The following DST variants were observed in gnomAD, a reference collection of about 807,000 sequenced individuals.
DST encodes the protein dystonin, also known as bullous pemphigoid antigen.
DST carries 253 observed loss-of-function variants against 875.2 expected under a neutral mutation model. That is an observed-to-expected ratio of 0.29 (90% CI 0.26 to 0.32). The LOEUF is 0.32. DST is among the 10% of genes least tolerant of loss of function. The probability of loss-of-function intolerance (pLI) is 1.00; values close to 1 mark genes in which losing one functional copy is unlikely to be tolerated. For synonymous variants in DST, 3,124 were observed against 3,197.1 expected, an observed-to-expected ratio of 0.98 and a Z score of 0.77; for missense variants, 8,287 against 9,111.6, an observed-to-expected ratio of 0.91 and a Z score of 3.68.
At position 56,521,954 on chromosome 6, in the gene DST, G is replaced by A. The variant is rs540935843; in HGVS notation, c.18130-4334C>T. Among the ~76,000 whole-genome samples, 187 of 152,146 alleles carry A rather than the reference G, an allele frequency of 1.2e-3. 1 individual carries two copies. Among genetic ancestry groups the A allele is most frequent in the African/African-American group, 4.2e-3 (176 of 41,532 alleles). ...AAAATTTGACTTAACATAAAATGTT[G>A]ATAATCTTGGCATCCATAATTGTAT... is the stretch of plus-strand genomic sequence containing the variant. On this transcript the variant is annotated intron_variant, in intron 69 of 103. Transcript: ENST00000680361.
intron 4 of DST, among the ~76,000 whole-genome samples, chr6:56,814,720 T>C (rs1298575488): frequency 5.9e-5 from 9 of 152,194 alleles, no homozygotes; most frequent in Non-Finnish European, 1.2e-4. Context: ...CTTAAGATGT[T>C]TGGCAGAAGA....
At chr6:56,817,421 G>C (rs1316005687) in intron 4 of DST, among the ~76,000 whole-genome samples, 1 of 152,176 alleles carries the variant, frequency 6.6e-6, no homozygotes, top group African/African-American at 2.4e-5. Context: ...TAGATATGCA[G>C]GTTGGATGTT....
At chr6:56,490,024 C>T (rs927606928) in intron 85 of DST, among the ~76,000 whole-genome samples, 2 of 151,898 alleles carry the variant, frequency 1.3e-5, no homozygotes, top group African/African-American at 2.4e-5. Context: ...GAATTTAATC[C>T]CTATGTTAAG....
chr6:56,469,723 A>T (rs1335707465), intron 97 of DST, 160 bp downstream of exon 97: 1 of 643,554 alleles, frequency 1.6e-6, no homozygotes, highest in Non-Finnish European at 2.7e-6. Context: ...CCGTTATACA[A>T]ATTAAAATGT....
In DST at chr6:56,722,022, T is replaced by C. The variant is rs1398720075; in HGVS notation, c.687+13206A>G. On this transcript the variant is annotated intron_variant, in intron 5 of 103. Coordinates refer to ENST00000680361, the MANE Select transcript of DST (RefSeq NM_001374736.1). ...TTATTTATGAACAATGAATTTTAGA[T>C]TTCATATAATTTTCATATGGTACAA... 2.0e-5 allele frequency among the ~76,000 whole-genome samples: 3 copies of C among 152,228 alleles called. No homozygotes were observed. The East Asian group carries it at 5.8e-4, about 29-fold the overall frequency.
chr6:56,751,272 C>A (rs933683797), intron 4 of DST, among the ~76,000 whole-genome samples: 8 of 151,872 alleles, frequency 5.3e-5, no homozygotes, highest in African/African-American at 1.9e-4. Flanking sequence ...AAAAAGATTA[C>A]GCATTGATTA....
At chr6:56,692,918 C>T (rs1563714458) in intron 9 of DST, 3 of 1,289,582 alleles carry the variant, frequency 2.3e-6, no homozygotes, top group East Asian at 1.1e-4. Flanking sequence ...TGTACCAGTC[C>T]CCTGGATAAA....
chr6:56,525,524 G>A (rs966241272), intron 69 of DST, among the ~76,000 whole-genome samples: 1 of 152,104 alleles, frequency 6.6e-6, no homozygotes, highest in African/African-American at 2.4e-5. Context: ...ATTAATTCTG[G>A]ATGCTCCCAC....
Position 56,606,980 on chromosome 6 carries a change from C to G in DST, c.7648G>C (p.Asp2550His). ...GAATACTCTTCTATTTCAGACTCAT[C>G]TTCCTTGTCTTCAGGCATCTGCTGA... ...GFQQMPEDKEDESEIEEYSCA... is the reference protein window; with the variant it reads ...GFQQMPEDKEHESEIEEYSCA... Residue 2550 changes from aspartate to histidine, a missense_variant, in exon 40 of 104, where the codon GAT (aspartate) becomes CAT (histidine). Asp to His is a moderately conservative substitution (Grantham distance 81). Coordinates refer to ENST00000680361, the MANE Select transcript of DST (RefSeq NM_001374736.1). 1 of 1,613,500 alleles carries G rather than the reference C, an allele frequency of 6.2e-7. No homozygotes were observed. The highest frequency in any genetic ancestry group is 1.1e-5 in the South Asian group (1 of 91,074).
At chr6:56,783,731 G>T (rs2099699180) in intron 4 of DST, among the ~76,000 whole-genome samples, 1 of 152,110 alleles carries the variant, frequency 6.6e-6, no homozygotes, top group South Asian at 2.1e-4. Flanking sequence ...TACATTTAAA[G>T]TTAATATTGT....
At position 56,617,000 on chromosome 6, in the gene DST, G is replaced by A. The variant is rs369510727; in HGVS notation, c.4930-2516C>T. ...TTTGTCTATTATGATTCTCTCGGCC[G>A]CTGAGGCAAATGAAATCTTTTCTTT... On this transcript the variant is annotated intron_variant, in intron 36 of 103. Transcript: ENST00000680361. 48 of 1,609,820 alleles carry A rather than the reference G, an allele frequency of 3.0e-5. No individual in the cohort carries two copies. The highest frequency in any genetic ancestry group is 1.4e-4 in the South Asian group (13 of 90,622).
In DST at chr6:56,604,052, G is replaced by T. The variant is rs775622904; in HGVS notation, c.10576C>A (p.Pro3526Thr). 2.5e-6 allele frequency: 4 copies of T among 1,586,594 alleles called. No individual in the cohort carries two copies. Among genetic ancestry groups the T allele is most frequent in the Admixed American group, 1.8e-5 (1 of 55,682 alleles). ...CTTTTAATATCACCAAGAATATGTG[G>T]CTTTTCTTCCATCATCTCAGATGTA... is the stretch of plus-strand genomic sequence containing the variant. Reference protein sequence around the residue: ...CSTSEMMEEKPHILGDIKSKE... With the variant: ...CSTSEMMEEKTHILGDIKSKE... The change falls in exon 40 of 104, where the codon CCA (proline) becomes ACA (threonine). Residue 3526 changes from proline to threonine, a missense_variant. Transcript: ENST00000680361.
intron 89 of DST, 158 bp downstream of exon 89, chr6:56,482,525 G>T: frequency 1.5e-6 from 1 of 661,778 alleles, no homozygotes; most frequent in Non-Finnish European, 2.4e-6. Context: ...CATGAGGGAG[G>T]GTGGGAGAAG....
rs555704557 is a variant in DST, at chr6:56,554,073, C to CTTTT, written c.15137-422_15137-419dup. 5.3e-4 allele frequency among the ~76,000 whole-genome samples: 43 copies of CTTTT among 80,820 alleles called. 6 individuals carry two copies. The highest frequency in any genetic ancestry group is 7.7e-4 in the Non-Finnish European group (32 of 41,420). The allele number at this position is 80,820 out of a possible 152,430, so 53.0% of individuals were successfully genotyped here. On this transcript the variant is annotated intron_variant, in intron 60 of 103. Coordinates refer to ENST00000680361, the MANE Select transcript of DST (RefSeq NM_001374736.1). Reference sequence around the variant, plus strand: ...AAATATGACTTTTTCGCGTCTATGACTTTTTTTTTTTTTTTTTTTTTTTTT... The same window carrying CTTTT: ...AAATATGACTTTTTCGCGTCTATGACTTTTTTTTTTTTTTTTTTTTTTTTTTTTT...
rs1351085886 is a variant in DST at position 56,607,805 on chromosome 6, T to C, written c.6823A>G (p.Thr2275Ala). ...TGACATTTATTGAAACTACTTGGTG[T>C]AGCTGTACATTCATCCTTTTCTCTA... ...SGREKDECTA[T>A]PSSFNKCHCG... Residue 2275 changes from threonine (T) to alanine (A), a missense_variant, in exon 40 of 104, where the codon ACA (threonine) becomes GCA (alanine). By Grantham distance (58) the Thr-to-Ala change is moderately conservative. This residue lies in a region of DST where 3,138 missense variants were observed against 3,116.6 expected (regional missense o/e 1.01). Coordinates refer to ENST00000680361, the MANE Select transcript of DST (RefSeq NM_001374736.1). 5 of 1,613,332 alleles carry C rather than the reference T, an allele frequency of 3.1e-6. No homozygotes were observed. Among genetic ancestry groups the C allele is most frequent in the Non-Finnish European group, 4.2e-6 (5 of 1,179,688 alleles).
At chr6:56,648,074 T>C (rs1011724500) in intron 13 of DST, among the ~76,000 whole-genome samples, 2 of 152,198 alleles carry the variant, frequency 1.3e-5, no homozygotes, top group African/African-American at 2.4e-5. Context: ...AAACCATGAA[T>C]TCACTTATAC....
intron 86 of DST, among the ~76,000 whole-genome samples, chr6:56,489,262 T>C (rs2095661991): frequency 6.6e-6 from 1 of 152,236 alleles, no homozygotes; most frequent in African/African-American, 2.4e-5. Flanking sequence ...TTTTGTATGT[T>C]TTTCTTTTTA....
At chr6:56,813,007 G>A (rs2099762311) in intron 4 of DST, among the ~76,000 whole-genome samples, 1 of 151,846 alleles carries the variant, frequency 6.6e-6, no homozygotes, top group Non-Finnish European at 1.5e-5. Flanking sequence ...ATGATAGACT[G>A]GATTAAGAAA....
intron 77 of DST, among the ~76,000 whole-genome samples, 173 bp downstream of exon 77, chr6:56,506,270 A>C (rs987806572): frequency 3.9e-5 from 6 of 152,214 alleles, no homozygotes; most frequent in African/African-American, 1.4e-4. Context: ...GAAAGGTCAG[A>C]AATATCTTCT....
Sources: gnomAD v4.1 joint callset for allele counts (sites outside exome capture counted in the v4.1 genomes callset) on GRCh38, gnomAD v4.1.1 for gene constraint, gnomAD v4.1.1 regional missense constraint, MANE v1.5 for transcripts, NCBI Gene and HGNC (gene_info 2026-07-23, HGNC 2026-07-21) for gene names.